The following TRHR variants were observed in gnomAD, a reference collection of about 807,000 sequenced individuals.
The protein encoded by TRHR is thyrotropin releasing hormone receptor.
TRHR carries 14 observed loss-of-function variants against 28.0 expected under a neutral mutation model. The ratio of observed to expected loss-of-function variants is 0.50; its 90% confidence interval spans 0.33 to 0.78. The LOEUF is 0.78. Among genes scored for constraint, TRHR ranks in the 30% least tolerant of loss-of-function variants. The probability of loss-of-function intolerance (pLI) is 0.02; values close to 1 mark genes in which losing one functional copy is unlikely to be tolerated. For synonymous variants in TRHR, 176 were observed against 171.9 expected (o/e 1.02, Z -0.18); for missense variants, 438 against 469.5 (o/e 0.93, Z 0.62).
chr8:109,113,160 T>C (rs532981899), intron 2 of TRHR, among the ~76,000 whole-genome samples: 3 of 152,256 alleles, frequency 2.0e-5, no homozygotes, highest in Non-Finnish European at 4.4e-5. Context: ...CACTGGACTA[T>C]TCATTATTCT....
At chr8:109,109,963 G>A (rs1490553765) in intron 2 of TRHR, among the ~76,000 whole-genome samples, 3 of 152,140 alleles carry the variant, frequency 2.0e-5, no homozygotes, top group Non-Finnish European at 4.4e-5. Context: ...GTGTCACAGA[G>A]GAAGGGTCAT....
At position 109,092,641 on chromosome 8, in the gene TRHR, G is replaced by A. The variant is rs562844263; in HGVS notation, c.789+4340G>A. ...TTTAGTAGAGACAGGGTTTCACCAT[G>A]TTGGCCAGACTGGTCTTGAACTCCT... is the stretch of plus-strand genomic sequence containing the variant. On this transcript the variant is annotated intron_variant, in intron 2 of 2. Coordinates refer to ENST00000518632, the MANE Select transcript of TRHR (RefSeq NM_003301.7). Among the ~76,000 whole-genome samples, 248 of 152,108 alleles carry A rather than the reference G, an allele frequency of 1.6e-3. 1 individual carries two copies. The highest frequency in any genetic ancestry group is 2.9e-3 in the Non-Finnish European group (200 of 67,996).
chr8:109,102,080 T>A (rs949381322), intron 2 of TRHR, among the ~76,000 whole-genome samples: 3 of 152,012 alleles, frequency 2.0e-5, no homozygotes, highest in African/African-American at 7.2e-5. Context: ...CATAAGGTGT[T>A]GGGGAAATAA....
At chr8:109,111,007 A>G (rs899954829) in intron 2 of TRHR, among the ~76,000 whole-genome samples, 1 of 152,112 alleles carries the variant, frequency 6.6e-6, no homozygotes, top group Admixed American at 6.6e-5. Flanking sequence ...TACAAAAATT[A>G]GCAGACATGG....
At position 109,114,518 on chromosome 8, in the gene TRHR, T is replaced by G. The variant is rs148262946; in HGVS notation, c.790-4530T>G. Among the ~76,000 whole-genome samples the G allele has an allele frequency of 3.0e-3, 458 of 152,106 alleles. 1 individual carries two copies. Among genetic ancestry groups the G allele is most frequent in the Non-Finnish European group, 4.3e-3 (294 of 67,960 alleles). On this transcript the variant is annotated intron_variant, in intron 2 of 2. Transcript: ENST00000518632. ...CTCCACGGAGTGTGACATCATCTTA[T>G]CATATAAAAGTAATGACTTTGTAGT...
At chr8:109,115,376 A>G (rs1047520673) in intron 2 of TRHR, among the ~76,000 whole-genome samples, 1 of 152,142 alleles carries the variant, frequency 6.6e-6, no homozygotes, top group Non-Finnish European at 1.5e-5. Flanking sequence ...TGGGGATGGC[A>G]TTGAAGCTAT....
At chr8:109,089,044 C>A (rs781020162) in intron 2 of TRHR, among the ~76,000 whole-genome samples, 4 of 152,100 alleles carry the variant, frequency 2.6e-5, no homozygotes, top group African/African-American at 4.8e-5. Context: ...CCTGAATGTG[C>A]ATATAATTAG....
At chr8:109,108,200 T>C (rs1003406915) in intron 2 of TRHR, among the ~76,000 whole-genome samples, 4 of 152,196 alleles carry the variant, frequency 2.6e-5, no homozygotes, top group African/African-American at 9.6e-5. Flanking sequence ...GACAACTAAG[T>C]GCCCTCTTAA....
chr8:109,106,688 A>G (rs1331944150), intron 2 of TRHR, among the ~76,000 whole-genome samples: 2 of 152,188 alleles, frequency 1.3e-5, no homozygotes, highest in African/African-American at 2.4e-5. Context: ...CAGGAAAGAA[A>G]CCAGACACAA....
At chr8:109,100,780 C>A in intron 2 of TRHR, among the ~76,000 whole-genome samples, 1 of 151,904 alleles carries the variant, frequency 6.6e-6, no homozygotes, top group East Asian at 1.9e-4. Context: ...GAGGCGGGCA[C>A]CAGAAAGGCT....
rs1811964232 is a variant in TRHR, at chr8:109,119,163, T to G, written c.905T>G (p.Leu302Trp). Residue 302 changes from leucine (L) to tryptophan (W), a missense_variant, in exon 3 of 3, where the codon TTG becomes TGG. By Grantham distance (61) the Leu-to-Trp change is moderately conservative. Transcript: ENST00000518632. ...AGTCCTTTCCAAGAAAATTGGTTTT[T>G]GCTCTTTTGCAGAATTTGCATTTAT... ...LSSPFQENWF[L>W]LFCRICIYLN... 2 of 1,612,922 alleles carry G rather than the reference T, an allele frequency of 1.2e-6. No individual in the cohort carries two copies. Among genetic ancestry groups the G allele is most frequent in the Non-Finnish European group, 1.7e-6 (2 of 1,179,256 alleles).
At chr8:109,089,182 C>A (rs1252741119) in intron 2 of TRHR, among the ~76,000 whole-genome samples, 1 of 151,968 alleles carries the variant, frequency 6.6e-6, no homozygotes, top group Non-Finnish European at 1.5e-5. Context: ...AGGTTACTGA[C>A]AAACTTAGCT....
At chr8:109,113,003 C>T (rs993932729) in intron 2 of TRHR, among the ~76,000 whole-genome samples, 2 of 152,086 alleles carry the variant, frequency 1.3e-5, no homozygotes, top group African/African-American at 4.8e-5. Flanking sequence ...CAGAACTCCA[C>T]TCAGGATTTG....
chr8:109,097,755 A>G (rs1029549644), intron 2 of TRHR, among the ~76,000 whole-genome samples: 2 of 152,136 alleles, frequency 1.3e-5, no homozygotes, highest in Non-Finnish European at 2.9e-5. Context: ...ACCACCACCA[A>G]CACCTGCCTT....
intron 2 of TRHR, among the ~76,000 whole-genome samples, chr8:109,111,740 C>T (rs1036831828): frequency 6.6e-6 from 1 of 152,140 alleles, no homozygotes; most frequent in Non-Finnish European, 1.5e-5. Context: ...GTACTAAAGA[C>T]TTCTCCCAAC....
At chr8:109,099,792 T>C (rs187687860) in intron 2 of TRHR, among the ~76,000 whole-genome samples, 22 of 152,346 alleles carry the variant, frequency 1.4e-4, no homozygotes, top group African/African-American at 5.0e-4. Context: ...CTTGGATAGA[T>C]TGCTCTGAAT....
At chr8:109,093,907 G>C (rs966983980) in intron 2 of TRHR, among the ~76,000 whole-genome samples, 1 of 150,350 alleles carries the variant, frequency 6.7e-6, no homozygotes, top group African/African-American at 2.4e-5. Context: ...GCCTTCACCT[G>C]TCTGGAACTT....
At chr8:109,087,313 A>T in intron 1 of TRHR, 112 bp from the exon 2 acceptor site, 1 of 649,254 alleles carries the variant, frequency 1.5e-6, no homozygotes. Context: ...CATGAGCCCT[A>T]TTCCCATAGA....
chr8:109,114,435 C>A (rs1017710686), intron 2 of TRHR, among the ~76,000 whole-genome samples: 1 of 152,052 alleles, frequency 6.6e-6, no homozygotes, highest in African/African-American at 2.4e-5. Flanking sequence ...GCCTGTACCC[C>A]TTTTTGCAGC....
Sources: gnomAD v4.1 joint callset for allele counts (sites outside exome capture counted in the v4.1 genomes callset) on GRCh38, gnomAD v4.1.1 for gene constraint, MANE v1.5 for transcripts, NCBI Gene and HGNC (gene_info 2026-07-23, HGNC 2026-07-21) for gene names.